PCCA: variants seen among roughly 807,000 people sequenced by gnomAD.
PCCA encodes propionyl-CoA carboxylase alpha chain, mitochondrial.
A neutral mutation model predicts 101.3 loss-of-function variants in PCCA; 74 were observed. The observed-to-expected ratio is 0.73, with a 90% CI of 0.61 to 0.89. The LOEUF is 0.89. Ranked by LOEUF, PCCA falls within the 40% of genes least tolerant of loss-of-function variation. PCCA has a pLI of 0.00. For missense variants in PCCA, 891 were observed against 907.0 expected (o/e 0.98, Z 0.23); for synonymous variants, 294 against 313.6 (o/e 0.94, Z 0.66).
At chr13:100,503,939 G>A (rs2085876702) in intron 21 of PCCA, among the ~76,000 whole-genome samples, 1 of 152,074 alleles carries the variant, frequency 6.6e-6, no homozygotes, top group Non-Finnish European at 1.5e-5. Flanking sequence ...ATTTTACCCA[G>A]GCTAAATGTA....
intron 6 of PCCA, among the ~76,000 whole-genome samples, chr13:100,185,588 A>G (rs2057183650): frequency 6.6e-6 from 1 of 151,090 alleles, no homozygotes; most frequent in East Asian, 1.9e-4. Flanking sequence ...CTCAAGTAAT[A>G]TGCCTGCCTT....
Position 100,190,623 on chromosome 13 carries a change from C to T in PCCA, c.469-18709C>T, listed in dbSNP as rs150904836. On this transcript the variant is annotated intron_variant, in intron 6 of 23. Transcript: ENST00000376285. Reference sequence around the variant, plus strand: ...CTGGGAGGTGGAGGCTGCAGTGAGCCGAGATTGTGCTATTGCACTCCAGCC... The same window carrying T: ...CTGGGAGGTGGAGGCTGCAGTGAGCTGAGATTGTGCTATTGCACTCCAGCC... Among the ~76,000 whole-genome samples, 395 of 151,940 alleles carry T rather than the reference C, an allele frequency of 2.6e-3. 2 individuals are homozygous for T. Among genetic ancestry groups the T allele is most frequent in the African/African-American group, 9.0e-3 (374 of 41,424 alleles).
At chr13:100,304,981 G>T (rs2066341692) in intron 14 of PCCA, among the ~76,000 whole-genome samples, 1 of 152,018 alleles carries the variant, frequency 6.6e-6, no homozygotes, top group Admixed American at 6.6e-5. Context: ...CAGAAATTTG[G>T]TTCTGATTTC....
At chr13:100,190,431 C>T (rs575871820) in intron 6 of PCCA, among the ~76,000 whole-genome samples, 119 of 152,154 alleles carry the variant, frequency 7.8e-4, no homozygotes, top group Non-Finnish European at 1.4e-3. Context: ...GCATGTAATC[C>T]CAGCATTTTG....
intron 19 of PCCA, among the ~76,000 whole-genome samples, chr13:100,422,125 TTCTTTCTTTC>T (rs1278357200): frequency 4.4e-5 from 6 of 135,918 alleles, no homozygotes; most frequent in African/African-American, 2.0e-4. Flanking sequence ...TTTCTTTTCT[TTCTTTCTTTC>T]TTTTTTTTTT....
intron 6 of PCCA, among the ~76,000 whole-genome samples, chr13:100,201,857 C>CAAAAA (rs55669622): frequency 3.0e-4 from 18 of 60,740 alleles, no homozygotes; most frequent in East Asian, 5.6e-4. Context: ...AACTGCGTCT[C>CAAAAA]AAAAAAAAAA....
intron 6 of PCCA, among the ~76,000 whole-genome samples, chr13:100,189,200 C>T (rs146921832): frequency 0.037 from 5,607 of 152,240 alleles, 157 homozygotes; most frequent in Admixed American, 0.065. Context: ...ATCCATGTCC[C>T]TGCAAAGGAC....
intron 18 of PCCA, among the ~76,000 whole-genome samples, chr13:100,358,814 A>G (rs1035454710): frequency 2.0e-5 from 3 of 152,210 alleles, no homozygotes; most frequent in Non-Finnish European, 4.4e-5. Flanking sequence ...TGCATTAAAC[A>G]TGCTGTTTTT....
chr13:100,093,819 G>A (rs1453607645), intron 1 of PCCA, among the ~76,000 whole-genome samples: 1 of 152,088 alleles, frequency 6.6e-6, no homozygotes, highest in African/African-American at 2.4e-5. Flanking sequence ...CGTGCCTGTG[G>A]TTCTAGGTAC....
In PCCA at chr13:100,209,245, A is replaced by C. The variant is rs1204606147; in HGVS notation, c.469-87A>C. The C allele has an allele frequency of 3.6e-6, 4 of 1,112,134 alleles. No homozygotes were observed. The African/African-American group carries it at 6.2e-5, about 17-fold the overall frequency. The allele number at this position is 1,112,134 out of a possible 1,614,324, so 68.9% of individuals were successfully genotyped here. On this transcript the variant is annotated intron_variant, in intron 6 of 23. Transcript: ENST00000376285. ...CAATAAAAATAATTAGAAAATACAC[A>C]TATGGGCTTTTCTTTTATAAAATTG...
At chr13:100,372,410 T>C (rs2075630902) in intron 19 of PCCA, among the ~76,000 whole-genome samples, 1 of 151,934 alleles carries the variant, frequency 6.6e-6, no homozygotes, top group African/African-American at 2.4e-5. Context: ...GGGGAAAAGC[T>C]TCAAGGTATT....
chr13:100,169,461 T>C (rs2055400829), intron 6 of PCCA, among the ~76,000 whole-genome samples: 1 of 151,144 alleles, frequency 6.6e-6, no homozygotes, highest in African/African-American at 2.4e-5. Context: ...AAAAATCCCT[T>C]GATTTATGTA....
At chr13:100,363,793 T>C (rs1283753124) in intron 18 of PCCA, among the ~76,000 whole-genome samples, 2 of 152,192 alleles carry the variant, frequency 1.3e-5, no homozygotes, top group Non-Finnish European at 2.9e-5. Context: ...CCTTTCTAAC[T>C]GAAGATGCTG....
intron 19 of PCCA, among the ~76,000 whole-genome samples, chr13:100,380,070 CA>C (rs1315745163): frequency 2.0e-5 from 3 of 151,712 alleles, no homozygotes; most frequent in Non-Finnish European, 4.4e-5. Context: ...CACGAAAAAA[CA>C]AAAAAACACG....
At chr13:100,410,240 T>G (rs9518066) in intron 19 of PCCA, among the ~76,000 whole-genome samples, 1 of 152,032 alleles carries the variant, frequency 6.6e-6, no homozygotes, top group African/African-American at 2.4e-5. Context: ...TTTGTTGTTG[T>G]TTTGTTTTGT....
At chr13:100,193,881 C>T (rs952244759) in intron 6 of PCCA, among the ~76,000 whole-genome samples, 2 of 152,074 alleles carry the variant, frequency 1.3e-5, no homozygotes, top group Non-Finnish European at 2.9e-5. Flanking sequence ...AGATAGAGAC[C>T]ATCCTGGCTA....
chr13:100,492,607 C>A (rs1168524919), intron 21 of PCCA, among the ~76,000 whole-genome samples: 1 of 151,534 alleles, frequency 6.6e-6, no homozygotes, highest in South Asian at 2.1e-4. Context: ...AAAGGCCCCA[C>A]CCTCAAGCCT....
intron 19 of PCCA, among the ~76,000 whole-genome samples, chr13:100,371,114 C>A (rs2152815585): frequency 6.6e-6 from 1 of 152,298 alleles, no homozygotes; most frequent in African/African-American, 2.4e-5. Flanking sequence ...TAAGTCCTTT[C>A]TTTACATCAT....
At chr13:100,427,732 T>TAAA (rs79186516) in intron 20 of PCCA, among the ~76,000 whole-genome samples, 2 of 132,258 alleles carry the variant, frequency 1.5e-5, no homozygotes, top group African/African-American at 2.8e-5. Context: ...GTCGTTTACC[T>TAAA]AAAAAAAAAA....
Sources: gnomAD v4.1 joint callset for allele counts (sites outside exome capture counted in the v4.1 genomes callset) on GRCh38, gnomAD v4.1.1 for gene constraint, MANE v1.5 for transcripts, NCBI Gene and HGNC (gene_info 2026-07-23, HGNC 2026-07-21) for gene names.